Variants in ZAP70 observed in about 807,000 individuals in gnomAD.
ZAP70 encodes the protein zeta chain of T cell receptor associated protein kinase 70.
A neutral mutation model predicts 65.8 loss-of-function variants in ZAP70; 27 were observed. The ratio of observed to expected loss-of-function variants is 0.41; its 90% confidence interval spans 0.30 to 0.57. The LOEUF (loss-of-function observed/expected upper bound fraction) is 0.57, where lower values mean the gene tolerates loss of function less well. ZAP70 is among the 20% of genes least tolerant of loss of function. The pLI, the probability that ZAP70 is intolerant of heterozygous loss-of-function variation, is 0.28. For missense variants in ZAP70, 696 were observed against 870.5 expected, an observed-to-expected ratio of 0.80 and a Z score of 2.52; for synonymous variants, 363 against 360.8, an observed-to-expected ratio of 1.01 and a Z score of -0.07.
chr2:97,733,613 G>A lies in ZAP70; in HGVS notation c.889+18G>A. 1 of 1,613,452 alleles carries A rather than the reference G, an allele frequency of 6.2e-7. No individual in the cohort carries two copies. The highest frequency in any genetic ancestry group is 1.1e-5 in the South Asian group (1 of 91,078). On this transcript the variant is annotated intron_variant, in intron 8 of 13. Transcript: ENST00000264972. Reference sequence around the variant, plus strand: ...TGAGCCAGGTGAGCGGGCAGAGGTGGGGACGCGGGTTGGGGCTCATGCTGA... The same window carrying A: ...TGAGCCAGGTGAGCGGGCAGAGGTGAGGACGCGGGTTGGGGCTCATGCTGA...
At position 97,733,003 on chromosome 2, in the gene ZAP70, G is replaced by C; in HGVS notation, c.684G>C (p.Lys228Asn). ...AGTACTGCATTCCCGAGGGCACCAA[G>C]TTTGACACGCTCTGGCAGGTAGGCT... is the stretch of plus-strand genomic sequence containing the variant. The part of the protein sequence containing the change: ...AGKYCIPEGT[K>N]FDTLWQLVEY... Residue 228 changes from lysine to asparagine, a missense_variant, in exon 5 of 14, where the codon AAG becomes AAC. By Grantham distance (94) the Lys-to-Asn change is moderately conservative. Transcript: ENST00000264972. 1.2e-6 allele frequency: 2 copies of C among 1,614,142 alleles called. No homozygotes were observed. The highest frequency in any genetic ancestry group is 4.5e-5 in the East Asian group (2 of 44,892).
intron 4 of ZAP70, 58 bp from the exon 5 acceptor site, chr2:97,732,825 C>A: frequency 6.2e-7 from 1 of 1,609,834 alleles, no homozygotes; most frequent in Middle Eastern, 1.8e-4. Flanking sequence ...GGAACCGGGG[C>A]ACAGCAGGAG....
At position 97,732,968 on chromosome 2, in the gene ZAP70, A is replaced by G; in HGVS notation, c.649A>G (p.Lys217Glu). The G allele has an allele frequency of 6.2e-7, 1 of 1,614,124 alleles. No homozygotes were observed. The highest frequency in any genetic ancestry group is 8.5e-7 in the Non-Finnish European group (1 of 1,180,042). Residue 217 changes from lysine (K) to glutamate (E), a missense_variant, in exon 5 of 14, where the codon AAG becomes GAG. By Grantham distance (56) the Lys-to-Glu change is moderately conservative. Transcript: ENST00000264972. ...TVYHYLISQD[K>E]AGKYCIPEGT... ...GTACCACTACCTCATCAGCCAAGAC[A>G]AGGCGGGCAAGTACTGCATTCCCGA...
At chr2:97,726,775 C>T (rs1006308189) in intron 4 of ZAP70, among the ~76,000 whole-genome samples, 11 of 152,248 alleles carry the variant, frequency 7.2e-5, no homozygotes, top group South Asian at 2.1e-4. Flanking sequence ...ACATGTTGCA[C>T]GTAATACTCA....
chr2:97,726,110 C>T (rs1360479414), intron 4 of ZAP70, among the ~76,000 whole-genome samples: 5 of 151,978 alleles, frequency 3.3e-5, no homozygotes, highest in Non-Finnish European at 7.4e-5. Flanking sequence ...ACGTGTGAAT[C>T]GAGAGTATGG....
chr2:97,738,165 C>G (rs778755088), intron 13 of ZAP70, 58 bp downstream of exon 13: 139 of 1,474,672 alleles, frequency 9.4e-5, no homozygotes, highest in Non-Finnish European at 1.3e-4. Flanking sequence ...TCCTGGTGCC[C>G]GATGAGTTGA....
At chr2:97,738,465 C>T in intron 13 of ZAP70, 1 of 355,196 alleles carries the variant, frequency 2.8e-6, no homozygotes, top group Non-Finnish European at 5.4e-6. Context: ...GTACCCAACA[C>T]TCCAGTCCCC....
downstream of ZAP70, among the ~76,000 whole-genome samples, chr2:97,740,984 T>C (rs570346176): frequency 6.6e-6 from 1 of 152,308 alleles, no homozygotes; most frequent in South Asian, 2.1e-4. Flanking sequence ...CCCACGGTAT[T>C]TATTTGTAAT....
At chr2:97,722,600 A>C (rs1677205037) in intron 2 of ZAP70, among the ~76,000 whole-genome samples, 1 of 151,590 alleles carries the variant, frequency 6.6e-6, no homozygotes. Context: ...GCCTTTAAAC[A>C]GAAACTCACA....
At chr2:97,734,940 A>T (rs979758457) in intron 9 of ZAP70, 8 of 696,948 alleles carry the variant, frequency 1.1e-5, no homozygotes, top group Non-Finnish European at 1.9e-5. Context: ...TGAAGTTCCC[A>T]ACCCAGGGGA....
the ZAP70 span, among the ~76,000 whole-genome samples, chr2:97,746,287 T>C: frequency 1.3e-5 from 2 of 152,146 alleles, no homozygotes; most frequent in African/African-American, 2.4e-5. Context: ...TGACACTGAA[T>C]TGTGCACCTA....
chr2:97,735,438 A>C lies in ZAP70; in HGVS notation c.1271A>C (p.Lys424Thr). ...MEMAGGGPLHKFLVGKREEIP... is the reference protein window; with the variant it reads ...MEMAGGGPLHTFLVGKREEIP... Reference sequence around the variant, plus strand: ...ATGGCTGGGGGCGGGCCGCTGCACAAGTTCCTGGTCGGCAAGAGGTGAGCA... The same window carrying C: ...ATGGCTGGGGGCGGGCCGCTGCACACGTTCCTGGTCGGCAAGAGGTGAGCA... Residue 424 changes from lysine to threonine, a missense_variant, in exon 10 of 14, where the codon AAG (lysine) becomes ACG (threonine). Physicochemically the swap from Lys to Thr is moderately conservative, Grantham distance 78 (BLOSUM62 -1). Coordinates refer to ENST00000264972, the MANE Select transcript of ZAP70 (RefSeq NM_001079.4). The C allele has an allele frequency of 6.2e-7, 1 of 1,608,766 alleles. No homozygotes were observed. The highest frequency in any genetic ancestry group is 2.2e-5 in the East Asian group (1 of 44,596).
intron 2 of ZAP70, among the ~76,000 whole-genome samples, chr2:97,721,738 T>C (rs1295943032): frequency 2.8e-4 from 42 of 151,338 alleles, no homozygotes; most frequent in Non-Finnish European, 1.9e-4. Flanking sequence ...GCCAATCTTT[T>C]TCATGTTCTA....
downstream of ZAP70, among the ~76,000 whole-genome samples, chr2:97,743,370 T>C (rs1462691919): frequency 6.6e-6 from 1 of 152,224 alleles, no homozygotes; most frequent in Non-Finnish European, 1.5e-5. Context: ...AGTTTTGCTC[T>C]TGTTGCCCAG....
At chr2:97,734,295 C>A in intron 8 of ZAP70, 1 of 1,332,096 alleles carries the variant, frequency 7.5e-7, no homozygotes. Flanking sequence ...GCACACGCCC[C>A]TAGAGTCCAC....
chr2:97,748,884 T>C, the ZAP70 span, among the ~76,000 whole-genome samples: 4 of 151,998 alleles, frequency 2.6e-5, no homozygotes, highest in Non-Finnish European at 5.9e-5. Context: ...TTCCCTCCCG[T>C]GGGAGGCCAT....
intron 2 of ZAP70, among the ~76,000 whole-genome samples, chr2:97,717,359 TCTGGCTGGGGAGACATGC>T (rs1676970249): frequency 7.1e-6 from 1 of 141,272 alleles, no homozygotes; most frequent in African/African-American, 3.0e-5. Context: ...ATGCGGAGCC[TCTGGCTGGGGAGACATGC>T]GGAGCCTCTG....
At chr2:97,735,912 G>A (rs1677859795) in intron 10 of ZAP70, among the ~76,000 whole-genome samples, 1 of 152,200 alleles carries the variant, frequency 6.6e-6, no homozygotes, top group South Asian at 2.1e-4. Context: ...GGAGGCTGAG[G>A]CAGGAGAATC....
intron 13 of ZAP70, among the ~76,000 whole-genome samples, chr2:97,739,077 C>T (rs1296503647): frequency 6.6e-6 from 1 of 152,148 alleles, no homozygotes; most frequent in Non-Finnish European, 1.5e-5. Flanking sequence ...TCAATAGTTG[C>T]CACTCTGACA....
Sources: gnomAD v4.1 joint callset for allele counts (sites outside exome capture counted in the v4.1 genomes callset) on GRCh38, gnomAD v4.1.1 for gene constraint, MANE v1.5 for transcripts, NCBI Gene and HGNC (gene_info 2026-07-23, HGNC 2026-07-21) for gene names.